The following HACL1 variants were observed in gnomAD, a reference collection of about 807,000 sequenced individuals.
The protein encoded by HACL1 is 1600020H07Rik.
In HACL1, 64 loss-of-function variants were observed where a neutral mutation model predicts 74.2. The observed-to-expected ratio is 0.86, with a 90% CI of 0.70 to 1.06. The LOEUF (loss-of-function observed/expected upper bound fraction) is 1.06, where lower values mean the gene tolerates loss of function less well. HACL1 is among the 50% of genes least tolerant of loss of function. The pLI is 0.00. For missense variants in HACL1, 728 were observed against 719.7 expected, an observed-to-expected ratio of 1.01 and a Z score of -0.13; for synonymous variants, 230 against 238.8, an observed-to-expected ratio of 0.96 and a Z score of 0.34.
At chr3:15,577,975 G>A (rs994645801) in intron 9 of HACL1, among the ~76,000 whole-genome samples, 1 of 151,846 alleles carries the variant, frequency 6.6e-6, no homozygotes, top group African/African-American at 2.4e-5. Flanking sequence ...GCAGGCGCCT[G>A]TAGTCCCAGC....
chr3:15,581,027 A>G (rs950052894), intron 8 of HACL1, among the ~76,000 whole-genome samples: 7 of 152,140 alleles, frequency 4.6e-5, no homozygotes, highest in African/African-American at 1.7e-4. Flanking sequence ...TCAGCCTCCC[A>G]AGTAGCTGGG....
chr3:15,600,108 G>A (rs1312122409), intron 2 of HACL1, among the ~76,000 whole-genome samples: 1 of 151,704 alleles, frequency 6.6e-6, no homozygotes, highest in Non-Finnish European at 1.5e-5. Context: ...ATTCAATAAA[G>A]AATGTCATTC....
At chr3:15,574,609 G>C (rs780959068) in intron 10 of HACL1, among the ~76,000 whole-genome samples, 4 of 152,230 alleles carry the variant, frequency 2.6e-5, no homozygotes, top group Non-Finnish European at 4.4e-5. Context: ...TTTGGCATCT[G>C]AAAGAAAACC....
chr3:15,567,060 T>C (rs1233512444), intron 14 of HACL1, among the ~76,000 whole-genome samples: 2 of 152,000 alleles, frequency 1.3e-5, no homozygotes, highest in Non-Finnish European at 2.9e-5. Flanking sequence ...CCTCAGGTGA[T>C]CTGCCCACCT....
intron 3 of HACL1, among the ~76,000 whole-genome samples, chr3:15,594,098 C>T (rs1337594948): frequency 6.6e-6 from 1 of 152,182 alleles, no homozygotes; most frequent in Non-Finnish European, 1.5e-5. Context: ...CGCGCCTGGT[C>T]CCCAAAATCT....
intron 3 of HACL1, among the ~76,000 whole-genome samples, chr3:15,593,137 G>GTA (rs144610810): frequency 0.24 from 33,193 of 135,720 alleles, 7,012 homozygotes; most frequent in African/African-American, 0.55. Context: ...ACGTATATAT[G>GTA]TATATATACA....
In HACL1 at chr3:15,592,272, G is replaced by A. The variant is rs537346483; in HGVS notation, c.228-592C>T. Among the ~76,000 whole-genome samples the A allele has an allele frequency of 3.5e-5, 5 of 141,196 alleles. No homozygotes were observed. In the East Asian group the frequency reaches 6.6e-4, roughly 18 times the overall value. The allele number at this position is 141,196 out of a possible 152,430, so 92.6% of individuals were successfully genotyped here. A position where few individuals can be genotyped will look rare whatever the true frequency, so the allele number is the denominator to read the frequency against. On this transcript the variant is annotated intron_variant, in intron 3 of 16. Coordinates refer to ENST00000321169, the MANE Select transcript of HACL1 (RefSeq NM_012260.4). ...CGTGTATATATGGATCCATATATACGTATACATACGTGTATATGTATACAT... is the reference window on the plus strand; with the variant it reads ...CGTGTATATATGGATCCATATATACATATACATACGTGTATATGTATACAT...
At chr3:15,579,776 G>A in intron 9 of HACL1, 134 bp downstream of exon 9, 1 of 652,296 alleles carries the variant, frequency 1.5e-6, no homozygotes, top group Middle Eastern at 2.6e-4. Context: ...CCAGAAGATA[G>A]TCCAAAAATA....
At chr3:15,581,863 A>T (rs2063720513) in intron 8 of HACL1, among the ~76,000 whole-genome samples, 3 of 152,162 alleles carry the variant, frequency 2.0e-5, no homozygotes, top group Non-Finnish European at 4.4e-5. Flanking sequence ...GCATTCATCA[A>T]ATGTTTGTTA....
chr3:15,577,281 C>T (rs1335940578), intron 9 of HACL1, among the ~76,000 whole-genome samples: 1 of 151,642 alleles, frequency 6.6e-6, no homozygotes, highest in Non-Finnish European at 1.5e-5. Context: ...GCCTAGGGGT[C>T]TGAGTCCAGC....
At chr3:15,587,807 T>C (rs2063819952) in intron 5 of HACL1, among the ~76,000 whole-genome samples, 1 of 152,198 alleles carries the variant, frequency 6.6e-6, no homozygotes, top group African/African-American at 2.4e-5. Context: ...GAGTTCAGTA[T>C]TTTAGTTTAT....
chr3:15,572,578 TG>T (rs577921772), intron 11 of HACL1, among the ~76,000 whole-genome samples: 111 of 152,352 alleles, frequency 7.3e-4, no homozygotes, highest in African/African-American at 2.6e-3. Flanking sequence ...TGATTTAATA[TG>T]TGATTCAAGA....
intron 4 of HACL1, 87 bp downstream of exon 4, chr3:15,591,513 C>T (rs1212720226): frequency 1.3e-5 from 9 of 670,574 alleles, no homozygotes; most frequent in Middle Eastern, 2.6e-4. Flanking sequence ...CCAAGTCTTT[C>T]TACCCTAGAT....
chr3:15,570,552 C>A (rs987675449), intron 12 of HACL1, among the ~76,000 whole-genome samples: 2 of 151,080 alleles, frequency 1.3e-5, no homozygotes, highest in African/African-American at 4.9e-5. Flanking sequence ...CTGCACCCAG[C>A]TGAACAAAGA....
At chr3:15,576,756 T>C (rs777712006) in intron 9 of HACL1, among the ~76,000 whole-genome samples, 4 of 152,214 alleles carry the variant, frequency 2.6e-5, no homozygotes, top group Middle Eastern at 3.2e-3. Context: ...TCCTGTCTTT[T>C]GCCATACAGG....
rs374145322 is a variant in HACL1, at chr3:15,596,394, G to A, written c.217C>T (p.Leu73=). 4 of 1,590,862 alleles carry A rather than the reference G, an allele frequency of 2.5e-6. No homozygotes were observed. The highest frequency in any genetic ancestry group is 3.5e-6 in the Non-Finnish European group (4 of 1,159,006). Reference sequence around the variant, plus strand: ...CAAATTTTAGTTTACCTGCTTGTCAGATATCCAATCGCGGAGGCAGCATAA... The same window carrying A: ...CAAATTTTAGTTTACCTGCTTGTCAAATATCCAATCGCGGAGGCAGCATAA... ...ACYAASAIGY[L]TSRPGVCLVV... Residue 73 remains leucine, a synonymous_variant, in exon 3 of 17, where the codon CTG becomes TTG. Transcript: ENST00000321169.
Position 15,561,257 on chromosome 3 carries a change from G to C in HACL1, c.1705-360C>G, listed in dbSNP as rs530072598. 3.9e-5 allele frequency among the ~76,000 whole-genome samples: 6 copies of C among 152,318 alleles called. No homozygotes were observed. The South Asian group carries it at 1.2e-3, about 32-fold the overall frequency. On this transcript the variant is annotated intron_variant, in intron 16 of 16. Transcript: ENST00000321169. ...GACATGAGTAGGAAGAACTGTGCAC[G>C]GAAGTCTTTTCCAGAACTAACACCA...
chr3:15,571,766 A>C lies in HACL1; in HGVS notation c.997T>G (p.Leu333Val), dbSNP rs1242902028. ...GNIHAVTKQL[L>V]EELDKTPWQY... ...CATGGTGTTTTATCAAGTTCCTCTA[A>C]AAGCTTAAAAAAAAAAAAACACACA... The change falls in exon 12 of 17, where the codon TTA (leucine) becomes GTA (valine). Residue 333 changes from leucine (L) to valine (V), a missense_variant. Transcript: ENST00000321169. The C allele has an allele frequency of 8.3e-7, 1 of 1,210,440 alleles. No homozygotes were observed. The highest frequency in any genetic ancestry group is 2.4e-5 in the East Asian group (1 of 42,220). 75.0% of individuals were successfully genotyped at this position (1,210,440 alleles called of 1,614,324 possible). A position where few individuals can be genotyped will look rare whatever the true frequency, so the allele number is the denominator to read the frequency against.
At position 15,567,834 on chromosome 3, in the gene HACL1, G is replaced by C; in HGVS notation, c.1409+10C>G. On this transcript the variant is annotated intron_variant, in intron 14 of 16. Coordinates refer to ENST00000321169, the MANE Select transcript of HACL1 (RefSeq NM_012260.4). ...AGAATCAAATGCTCTGATTCAGGAT[G>C]ATGTTTTACCTGCAGATGGTTTCTA... 6.2e-7 allele frequency: 1 copy of C among 1,609,272 alleles called. No homozygotes were observed. Among genetic ancestry groups the C allele is most frequent in the South Asian group, 1.1e-5 (1 of 90,988 alleles).
Sources: allele counts gnomAD v4.1 joint callset (sites outside exome capture counted in the v4.1 genomes callset), GRCh38; gene constraint gnomAD v4.1.1; transcripts MANE v1.5; gene names NCBI Gene and HGNC (gene_info 2026-07-23, HGNC 2026-07-21).